PTPN1: variants seen among roughly 807,000 people sequenced by gnomAD.
PTPN1 encodes tyrosine-protein phosphatase non-receptor type 1.
In PTPN1, 12 loss-of-function variants were observed where a neutral mutation model predicts 59.9. The ratio of observed to expected loss-of-function variants is 0.20; its 90% CI spans 0.13 to 0.32. The LOEUF is 0.32. Ranked by LOEUF, PTPN1 falls within the 10% of genes least tolerant of loss-of-function variation. The pLI is 1.00. For synonymous variants in PTPN1, 178 were observed against 203.6 expected (o/e 0.87, Z 1.07); for missense variants, 356 against 549.2 (o/e 0.65, Z 3.52).
chr20:50,537,024 G>T (rs1239067761), intron 1 of PTPN1, among the ~76,000 whole-genome samples: 2 of 152,114 alleles, frequency 1.3e-5, no homozygotes, highest in African/African-American at 4.8e-5. Context: ...TTCCTGTGCA[G>T]TTGAAAGAAA....
rs149243676 is a variant in PTPN1 at position 50,578,221 on chromosome 20, G to A, written c.493-199G>A. 5.4e-3 allele frequency among the ~76,000 whole-genome samples: 823 copies of A among 152,310 alleles called. 10 individuals carry two copies. The highest frequency in any genetic ancestry group is 0.019 in the African/African-American group (797 of 41,578). ...AATGAAGTCTAAGCAGGCGCACCCT[G>A]CAGGTTCAGTGTCAAGCCCAGGGCC... On this transcript the variant is annotated intron_variant, in intron 5 of 9. Transcript: ENST00000371621.
chr20:50,554,935 A>G (rs1367979262), intron 1 of PTPN1, among the ~76,000 whole-genome samples: 1 of 152,232 alleles, frequency 6.6e-6, no homozygotes, highest in Non-Finnish European at 1.5e-5. Context: ...AACTAGCAAT[A>G]TGGCAGATTT....
intron 4 of PTPN1, chr20:50,570,961 T>C (rs1177631913): frequency 6.6e-6 from 1 of 152,248 alleles, no homozygotes; most frequent in Non-Finnish European, 1.5e-5. Flanking sequence ...TATTCAGAAA[T>C]TACCAGATAT....
chr20:50,514,056 G>A (rs1021545328), intron 1 of PTPN1, among the ~76,000 whole-genome samples: 2 of 152,174 alleles, frequency 1.3e-5, no homozygotes, highest in Non-Finnish European at 2.9e-5. Flanking sequence ...CTTTGTAATT[G>A]TCTGGACTGA....
chr20:50,566,836 G>A (rs1056476130), intron 3 of PTPN1, among the ~76,000 whole-genome samples: 1 of 152,144 alleles, frequency 6.6e-6, no homozygotes. Flanking sequence ...AGGCATGAAG[G>A]GAGTAGTGGA....
rs1455468519 is a variant in PTPN1, at chr20:50,582,843, C to T, written c.*128C>T. 2 of 1,171,520 alleles carry T rather than the reference C, an allele frequency of 1.7e-6. No individual in the cohort carries two copies. The highest frequency in any genetic ancestry group is 2.5e-5 in the East Asian group (1 of 39,728). 72.6% of individuals were successfully genotyped at this position (1,171,520 alleles called of 1,614,324 possible). ...CGTAGAGAGCCGGGCCCCGGACGGA[C>T]GTTGGTTCTGCACTAAAACCCATCT... is the stretch of plus-strand genomic sequence containing the variant. On this transcript the variant is annotated 3_prime_UTR_variant, in exon 10 of 10. Transcript: ENST00000371621. The surrounding 1 kb of genome is among the most constrained non-coding windows in gnomAD (Gnocchi z 4.2).
chr20:50,573,792 C>T (rs1601413368), intron 4 of PTPN1: 2 of 152,242 alleles, frequency 1.3e-5, no homozygotes. Context: ...AGTAAAATGT[C>T]ACTAAATTCG....
rs2082857481 is a variant in PTPN1, at chr20:50,579,926, G to C, written c.1088G>C (p.Ser363Thr). The change falls in exon 8 of 10, where the codon AGC (serine) becomes ACC (threonine). Residue 363 changes from serine to threonine, a missense_variant and splice_region_variant. By Grantham distance (58) the Ser-to-Thr change is moderately conservative. Transcript: ENST00000371621. Reference protein sequence around the residue: ...PLNAAPYGIESMSQDTEVRSR... With the variant: ...PLNAAPYGIETMSQDTEVRSR... The stretch of plus-strand genomic sequence containing the variant: ...AATGCCGCACCCTACGGCATCGAAA[G>C]GTAATATGATTGGGTCCCAGCTTGT... The C allele has an allele frequency of 6.2e-7, 1 of 1,612,988 alleles. No individual in the cohort carries two copies. Among genetic ancestry groups the C allele is most frequent in the African/African-American group, 1.3e-5 (1 of 74,870 alleles).
At chr20:50,535,968 T>C (rs2082622632) in intron 1 of PTPN1, among the ~76,000 whole-genome samples, 1 of 152,116 alleles carries the variant, frequency 6.6e-6, no homozygotes, top group Non-Finnish European at 1.5e-5. Flanking sequence ...GAGGTATCAG[T>C]TGAAAAGAGA....
At chr20:50,538,050 C>G (rs1373455052) in intron 1 of PTPN1, among the ~76,000 whole-genome samples, 2 of 152,112 alleles carry the variant, frequency 1.3e-5, no homozygotes, top group Admixed American at 1.3e-4. Flanking sequence ...CACTGGCTGC[C>G]TCTCTGGGGA....
chr20:50,556,642 G>C (rs2426159), intron 1 of PTPN1, among the ~76,000 whole-genome samples: 1 of 151,988 alleles, frequency 6.6e-6, no homozygotes, highest in African/African-American at 2.4e-5. Flanking sequence ...AAATAGTACC[G>C]TAATCGGTTT....
chr20:50,541,880 T>G (rs1375372012), intron 1 of PTPN1, among the ~76,000 whole-genome samples: 1 of 152,198 alleles, frequency 6.6e-6, no homozygotes. Flanking sequence ...AAGCTTCCTC[T>G]TTCCTTTGCA....
chr20:50,569,511 CCTGTGTAGACTGTCCTGTGTAGATTGT>C (rs1183810308), intron 4 of PTPN1, among the ~76,000 whole-genome samples: 17 of 149,772 alleles, frequency 1.1e-4, no homozygotes, highest in African/African-American at 1.8e-4. Context: ...TGTAGACTGT[CCTGTGTAGACTGTCCTGTGTAGATTGT>C]CTGTGTAGAC....
At chr20:50,539,034 T>A (rs2082636705) in intron 1 of PTPN1, among the ~76,000 whole-genome samples, 1 of 145,544 alleles carries the variant, frequency 6.9e-6, no homozygotes, top group Non-Finnish European at 1.5e-5. Context: ...TTCTTTTTTT[T>A]TTTTTTTTTT....
chr20:50,542,135 G>T (rs180775971), intron 1 of PTPN1, among the ~76,000 whole-genome samples: 24 of 152,326 alleles, frequency 1.6e-4, no homozygotes, highest in African/African-American at 5.5e-4. Flanking sequence ...GTACAATGTG[G>T]TCTTCACTCT....
chr20:50,516,629 T>G (rs1601384242), intron 1 of PTPN1, among the ~76,000 whole-genome samples: 1 of 152,168 alleles, frequency 6.6e-6, no homozygotes, highest in East Asian at 1.9e-4. Flanking sequence ...AATGGGGTGT[T>G]TTTTCCCGAG....
chr20:50,537,396 TC>T (rs879674144), intron 1 of PTPN1, among the ~76,000 whole-genome samples: 6 of 152,104 alleles, frequency 3.9e-5, no homozygotes, highest in Admixed American at 3.9e-4. Context: ...TTTGCCTAGT[TC>T]CCCCATCCAC....
At chr20:50,511,982 G>T (rs2082509779) in intron 1 of PTPN1, among the ~76,000 whole-genome samples, 1 of 151,722 alleles carries the variant, frequency 6.6e-6, no homozygotes, top group African/African-American at 2.4e-5. Context: ...TTTTTTTTTG[G>T]CAGCCTTGAT....
chr20:50,535,435 G>A (rs1341134381), intron 1 of PTPN1, among the ~76,000 whole-genome samples: 2 of 152,128 alleles, frequency 1.3e-5, no homozygotes, highest in Non-Finnish European at 2.9e-5. Context: ...CCTACACTGA[G>A]CTGTCCTTTC....
Sources: gnomAD v4.1 joint callset for allele counts (sites outside exome capture counted in the v4.1 genomes callset) on GRCh38, gnomAD v4.1.1 for gene constraint, Gnocchi (gnomAD v3.1) non-coding constraint, MANE v1.5 for transcripts, NCBI Gene and HGNC (gene_info 2026-07-23, HGNC 2026-07-21) for gene names.